Variants in XRCC4 observed in about 807,000 individuals in gnomAD.
XRCC4 encodes the protein DNA repair protein XRCC4.
Under a neutral mutation model 39.1 loss-of-function variants are expected in XRCC4, and 28 were observed. The observed-to-expected ratio is 0.72, with a 90% CI of 0.53 to 0.98. XRCC4 has a LOEUF of 0.98. Ranked by LOEUF, XRCC4 falls within the 50% of genes least tolerant of loss-of-function variation. XRCC4 has a pLI of 0.00. For missense variants in XRCC4, 350 were observed against 376.4 expected (o/e 0.93, Z 0.58); for synonymous variants, 123 against 126.4 (o/e 0.97, Z 0.18).
chr5:83,297,874 C>T (rs1174109899), intron 7 of XRCC4, among the ~76,000 whole-genome samples: 2 of 152,054 alleles, frequency 1.3e-5, no homozygotes, highest in East Asian at 3.9e-4. Context: ...AAGCAAGTCT[C>T]CACCTTGCTG....
At chr5:83,166,328 A>C (rs190621800) in intron 3 of XRCC4, among the ~76,000 whole-genome samples, 4 of 152,288 alleles carry the variant, frequency 2.6e-5, no homozygotes, top group African/African-American at 7.2e-5. Context: ...TCCTTTGGGT[A>C]TATACCTAGT....
rs28360231 is a variant in XRCC4, at chr5:83,258,792, G to A, written c.893+115G>A. The A allele has an allele frequency of 1.1e-3, 1,296 of 1,216,702 alleles. 6 individuals are homozygous for A. The African/African-American group carries it at 0.018, about 17-fold the overall frequency. The allele number at this position is 1,216,702 out of a possible 1,614,324, so 75.4% of individuals were successfully genotyped here. A position where few individuals can be genotyped will look rare whatever the true frequency, so the allele number is the denominator to read the frequency against. ...TTTTTAAAGTTATTTTTAAGAAAAT[G>A]TCATTTTGGAATTGTAAAATGTTTG... On this transcript the variant is annotated intron_variant, in intron 7 of 7. Coordinates refer to ENST00000396027, the MANE Select transcript of XRCC4 (RefSeq NM_003401.5).
intron 3 of XRCC4, among the ~76,000 whole-genome samples, chr5:83,126,563 G>A (rs1287584795): frequency 6.6e-6 from 1 of 152,154 alleles, no homozygotes; most frequent in Non-Finnish European, 1.5e-5. Flanking sequence ...CTGCCACAGA[G>A]CCCCCACAAA....
At chr5:83,289,044 T>G (rs573513415) in intron 7 of XRCC4, among the ~76,000 whole-genome samples, 2 of 152,016 alleles carry the variant, frequency 1.3e-5, no homozygotes, top group East Asian at 1.9e-4. Context: ...TTAACTGTAT[T>G]TATTCTACTG....
chr5:83,360,021 T>C, the XRCC4 span, among the ~76,000 whole-genome samples: 2 of 152,148 alleles, frequency 1.3e-5, no homozygotes, highest in African/African-American at 4.8e-5. Flanking sequence ...CTATATATTT[T>C]ATAAATAAGA....
intron 1 of XRCC4, among the ~76,000 whole-genome samples, chr5:83,093,795 G>A (rs1745541354): frequency 2.0e-5 from 3 of 152,062 alleles, no homozygotes; most frequent in African/African-American, 7.2e-5. Flanking sequence ...AAAATTTATG[G>A]GATGTTGTAA....
intron 3 of XRCC4, among the ~76,000 whole-genome samples, chr5:83,192,102 C>T (rs571835191): frequency 8.8e-5 from 13 of 147,114 alleles, no homozygotes; most frequent in African/African-American, 2.9e-4. Context: ...AGTATTTATT[C>T]TATCACTTAG....
chr5:83,302,295 A>G (rs2112047963), intron 7 of XRCC4, among the ~76,000 whole-genome samples: 1 of 151,364 alleles, frequency 6.6e-6, no homozygotes, highest in South Asian at 2.1e-4. Context: ...TGCTCACATG[A>G]CCACCCAGTT....
At chr5:83,194,704 A>C (rs370296146) in intron 3 of XRCC4, among the ~76,000 whole-genome samples, 1 of 152,316 alleles carries the variant, frequency 6.6e-6, no homozygotes, top group African/African-American at 2.4e-5. Flanking sequence ...CTACGGACTC[A>C]GTGCTACCAG....
At chr5:83,303,802 G>A (rs1309860821) in intron 7 of XRCC4, among the ~76,000 whole-genome samples, 1 of 152,116 alleles carries the variant, frequency 6.6e-6, no homozygotes, top group African/African-American at 2.4e-5. Flanking sequence ...ATCCAAATGA[G>A]TGTAATTTCT....
At chr5:83,220,500 C>CA (rs372814376) in intron 6 of XRCC4, among the ~76,000 whole-genome samples, 3 of 152,206 alleles carry the variant, frequency 2.0e-5, no homozygotes, top group African/African-American at 7.2e-5. Context: ...GCCAGCGCAT[C>CA]AGCACTAACA....
chr5:83,261,227 G>A (rs1301817988), intron 7 of XRCC4, among the ~76,000 whole-genome samples: 5 of 151,828 alleles, frequency 3.3e-5, no homozygotes, highest in African/African-American at 1.2e-4. Flanking sequence ...AGAGTAAGAC[G>A]TTCTCAATTA....
chr5:83,373,162 G>A, the XRCC4 span, among the ~76,000 whole-genome samples: 4 of 151,872 alleles, frequency 2.6e-5, no homozygotes, highest in African/African-American at 9.7e-5. Flanking sequence ...AGCCCCACTA[G>A]GCAGCTCTAC....
In XRCC4 at chr5:83,348,098, GC is replaced by G. The variant is rs537499525; in HGVS notation, c.894-5028del. Among the ~76,000 whole-genome samples, 36 of 152,254 alleles carry G rather than the reference GC, an allele frequency of 2.4e-4. No homozygotes were observed. In the South Asian group the frequency reaches 7.5e-3, roughly 32 times the overall value. On this transcript the variant is annotated intron_variant, in intron 7 of 7. Coordinates refer to ENST00000396027, the MANE Select transcript of XRCC4 (RefSeq NM_003401.5). Reference sequence around the variant, plus strand: ...TGCCCCTGTGGCTCTCCAGGGTACAGCCCCCATGGCTGCTTTCATAGGCTGG... The same window carrying G: ...TGCCCCTGTGGCTCTCCAGGGTACAGCCCCATGGCTGCTTTCATAGGCTGG...
At position 83,218,587 on chromosome 5, in the gene XRCC4, G is replaced by C. The variant is rs181000082; in HGVS notation, c.745+13666G>C. Among the ~76,000 whole-genome samples the C allele has an allele frequency of 2.0e-5, 3 of 151,972 alleles. No individual in the cohort carries two copies. In the East Asian group the frequency reaches 5.8e-4, roughly 30 times the overall value. On this transcript the variant is annotated intron_variant, in intron 6 of 7. Coordinates refer to ENST00000396027, the MANE Select transcript of XRCC4 (RefSeq NM_003401.5). ...AACCTCAAACATGCAAAAACTTGGA[G>C]GAATTCTGAAAATGGTTAAAAAACG...
At chr5:83,214,866 C>A (rs2386245) in intron 6 of XRCC4, among the ~76,000 whole-genome samples, 88,303 of 146,272 alleles carry the variant, frequency 0.6, 27,389 homozygotes, top group East Asian at 0.96. Context: ...AATAAAAATA[C>A]AGAATAAAGA....
At chr5:83,219,634 A>C (rs558556201) in intron 6 of XRCC4, among the ~76,000 whole-genome samples, 21 of 152,292 alleles carry the variant, frequency 1.4e-4, no homozygotes, top group African/African-American at 4.8e-4. Flanking sequence ...TAAGGTTGCC[A>C]CTAGCTACAT....
intron 6 of XRCC4, among the ~76,000 whole-genome samples, chr5:83,212,361 TA>T (rs147475875): frequency 2.7e-5 from 4 of 150,884 alleles, no homozygotes; most frequent in Non-Finnish European, 5.9e-5. Context: ...ATTGTCAGAA[TA>T]AAAAAAAATC....
In XRCC4 at chr5:83,150,745, G is replaced by A. The variant is rs28360085; in HGVS notation, c.315+39542G>A. Among the ~76,000 whole-genome samples, 4 of 152,248 alleles carry A rather than the reference G, an allele frequency of 2.6e-5. No individual in the cohort carries two copies. The East Asian group carries it at 7.7e-4, about 29-fold the overall frequency. On this transcript the variant is annotated intron_variant, in intron 3 of 7. Coordinates refer to ENST00000396027, the MANE Select transcript of XRCC4 (RefSeq NM_003401.5). ...ATTTATTCTATGTTCTGTCATGACAGCCATAAATCAGCATGAGGAATTATT... is the reference window on the plus strand; with the variant it reads ...ATTTATTCTATGTTCTGTCATGACAACCATAAATCAGCATGAGGAATTATT...
Sources: gnomAD v4.1 joint callset for allele counts (sites outside exome capture counted in the v4.1 genomes callset) on GRCh38, gnomAD v4.1.1 for gene constraint, MANE v1.5 for transcripts, NCBI Gene and HGNC (gene_info 2026-07-23, HGNC 2026-07-21) for gene names.